The following DAO variants were observed in gnomAD, a reference collection of about 807,000 sequenced individuals.
The protein encoded by DAO is D-amino acid oxidase.
In DAO, 51 loss-of-function variants were observed where a neutral mutation model predicts 50.1. The observed-to-expected ratio is 1.02, with a 90% CI of 0.81 to 1.29. DAO has a LOEUF of 1.29. Among genes scored for constraint, DAO ranks in the 50% most tolerant of loss-of-function variants. The pLI is 0.00. For synonymous variants in DAO, 160 were observed against 166.2 expected, an observed-to-expected ratio of 0.96 and a Z score of 0.29; for missense variants, 436 against 439.4, an observed-to-expected ratio of 0.99 and a Z score of 0.07.
chr12:108,888,961 C>G (rs1299037655), intron 3 of DAO, among the ~76,000 whole-genome samples: 1 of 152,204 alleles, frequency 6.6e-6, no homozygotes, highest in Non-Finnish European at 1.5e-5. Context: ...TTTAATCTTT[C>G]TAAGCCTCAA....
Position 108,884,861 on chromosome 12 carries a change from G to T in DAO, c.-9-137G>T, listed in dbSNP as rs1352819041. 21 of 798,124 alleles carry T rather than the reference G, an allele frequency of 2.6e-5. No individual in the cohort carries two copies. In the Admixed American group the frequency reaches 3.2e-4, roughly 12 times the overall value. The allele number at this position is 798,124 out of a possible 1,614,324, so 49.4% of individuals were successfully genotyped here. On this transcript the variant is annotated intron_variant, in intron 1 of 10. Transcript: ENST00000228476. ...ACAATGATATTCCTTCCTCCTAGGGGTCATCGGGAAGGTCAAATATAAAAA... is the reference window on the plus strand; with the variant it reads ...ACAATGATATTCCTTCCTCCTAGGGTTCATCGGGAAGGTCAAATATAAAAA...
intron 5 of DAO, among the ~76,000 whole-genome samples, chr12:108,892,130 G>T (rs77802322): frequency 0.014 from 2,159 of 150,094 alleles, 52 homozygotes; most frequent in African/African-American, 0.047. Flanking sequence ...CTGTTCTTTG[G>T]ATGTTTCTAG....
At chr12:108,893,328 C>T (rs2039512189) in intron 6 of DAO, among the ~76,000 whole-genome samples, 1 of 152,154 alleles carries the variant, frequency 6.6e-6, no homozygotes, top group African/African-American at 2.4e-5. Context: ...GTGTCAGCTG[C>T]ACTCCAAGGT....
At chr12:108,889,104 T>C (rs1252271981) in intron 3 of DAO, among the ~76,000 whole-genome samples, 3 of 130,584 alleles carry the variant, frequency 2.3e-5, no homozygotes, top group African/African-American at 3.5e-5. Context: ...GTCTCTGTCA[T>C]TATCATTTTT....
chr12:108,898,386 G>A (rs571772734), intron 8 of DAO: 8 of 415,506 alleles, frequency 1.9e-5, no homozygotes, highest in African/African-American at 4.1e-5. Flanking sequence ...TACTGGTGTC[G>A]TGGAGATGAC....
intron 3 of DAO, among the ~76,000 whole-genome samples, chr12:108,889,261 A>G (rs1272354485): frequency 6.6e-6 from 1 of 151,930 alleles, no homozygotes; most frequent in Non-Finnish European, 1.5e-5. Flanking sequence ...ATGCACCACC[A>G]TATCTTGCTA....
At chr12:108,899,071 G>A (rs1259912509) in intron 9 of DAO, among the ~76,000 whole-genome samples, 1 of 152,154 alleles carries the variant, frequency 6.6e-6, no homozygotes, top group Non-Finnish European at 1.5e-5. Flanking sequence ...TGGTACTGAT[G>A]GTGAGGAAAA....
intron 6 of DAO, 50 bp from the exon 7 acceptor site, chr12:108,894,213 C>T (rs747297378): frequency 4.3e-6 from 6 of 1,396,242 alleles, no homozygotes; most frequent in Non-Finnish European, 6.1e-6. Flanking sequence ...CAGGGAATAC[C>T]AGGGTCTTCC....
chr12:108,887,951 A>G (rs1302858950), intron 3 of DAO, among the ~76,000 whole-genome samples: 1 of 152,326 alleles, frequency 6.6e-6, no homozygotes, highest in East Asian at 1.9e-4. Context: ...AAAACTGCCA[A>G]AGCATTTATT....
Position 108,880,146 on chromosome 12 carries a change from A to T in DAO, c.-88A>T, listed in dbSNP as rs1211970527. The T allele has an allele frequency of 2.2e-6, 1 of 456,692 alleles. No individual in the cohort carries two copies. The highest frequency in any genetic ancestry group is 1.5e-5 in the South Asian group (1 of 64,556). The allele number at this position is 456,692 out of a possible 1,614,324, so 28.3% of individuals were successfully genotyped here. On this transcript the variant is annotated 5_prime_UTR_variant, in exon 1 of 11. Coordinates refer to ENST00000228476, the MANE Select transcript of DAO (RefSeq NM_001917.5). ...GCTGGAAACAAGACGCTCCAGAATC[A>T]GGAGCTTCCCCTCAGGAAATAGCAT... is the stretch of plus-strand genomic sequence containing the variant.
intron 6 of DAO, among the ~76,000 whole-genome samples, chr12:108,893,545 C>A (rs767716220): frequency 2.0e-5 from 3 of 152,188 alleles, no homozygotes; most frequent in Non-Finnish European, 4.4e-5. Flanking sequence ...ACAAGGAAGG[C>A]GCTCCGTACA....
intron 3 of DAO, among the ~76,000 whole-genome samples, chr12:108,888,750 T>G (rs749399615): frequency 6.6e-6 from 1 of 152,208 alleles, no homozygotes; most frequent in Non-Finnish European, 1.5e-5. Context: ...CACTATGCTC[T>G]GTTGCTTTCT....
rs1035782021 is a variant in DAO, at chr12:108,883,943, C to A, written c.-9-1055C>A. Reference sequence around the variant, plus strand: ...CCGAGTTGCCAGGAGCTGAGGTCTGCGGGAGGAGAGTTGTGAGTGAAGATG... The same window carrying A: ...CCGAGTTGCCAGGAGCTGAGGTCTGAGGGAGGAGAGTTGTGAGTGAAGATG... On this transcript the variant is annotated intron_variant, in intron 1 of 10. Transcript: ENST00000228476. 2.0e-5 allele frequency among the ~76,000 whole-genome samples: 3 copies of A among 152,224 alleles called. No individual in the cohort carries two copies. In the East Asian group the frequency reaches 5.8e-4, roughly 29 times the overall value.
intron 1 of DAO, among the ~76,000 whole-genome samples, chr12:108,882,977 C>T (rs1001467203): frequency 2.0e-5 from 3 of 152,050 alleles, no homozygotes; most frequent in African/African-American, 7.2e-5. Context: ...TGTGCCACTG[C>T]ACTCCAGCCT....
rs2039587679 is a variant in DAO, at chr12:108,898,620, T to TTTA, written c.696-56_696-54dup. 1.1e-5 allele frequency: 13 copies of TTTA among 1,156,014 alleles called. No homozygotes were observed. The South Asian group carries it at 1.6e-4, about 14-fold the overall frequency. 71.6% of individuals were successfully genotyped at this position (1,156,014 alleles called of 1,614,324 possible). A position where few individuals can be genotyped will look rare whatever the true frequency, so the allele number is the denominator to read the frequency against. On this transcript the variant is annotated intron_variant, in intron 8 of 10. Coordinates refer to ENST00000228476, the MANE Select transcript of DAO (RefSeq NM_001917.5). ...GGTGACAAGGTTGATGGTAATGACC[T>TTTA]TTATTCATCTCAGAGCCTTCATTTT... is the stretch of plus-strand genomic sequence containing the variant.
intron 8 of DAO, among the ~76,000 whole-genome samples, chr12:108,897,839 C>T (rs1253698944): frequency 1.3e-5 from 2 of 151,534 alleles, no homozygotes; most frequent in South Asian, 2.1e-4. Flanking sequence ...CCCAGCTATT[C>T]GAGAGGCTGA....
intron 2 of DAO, 32 bp downstream of exon 2, chr12:108,885,232 T>C: frequency 6.2e-7 from 1 of 1,602,726 alleles, no homozygotes; most frequent in Non-Finnish European, 8.5e-7. Flanking sequence ...TAGCCTGGGG[T>C]GCCCATGGAC....
intron 10 of DAO, chr12:108,899,885 G>A: frequency 3.1e-6 from 1 of 321,006 alleles, no homozygotes; most frequent in South Asian, 3.0e-5. Flanking sequence ...AGAGATGACA[G>A]TATCAATGGC....
intron 8 of DAO, 113 bp from the exon 9 acceptor site, chr12:108,898,566 G>A: frequency 1.3e-6 from 1 of 790,660 alleles, no homozygotes; most frequent in South Asian, 1.4e-5. Flanking sequence ...AGTGGCAATT[G>A]AGGTAGTGAT....
Sources: allele counts gnomAD v4.1 joint callset (sites outside exome capture counted in the v4.1 genomes callset), GRCh38; gene constraint gnomAD v4.1.1; transcripts MANE v1.5; gene names NCBI Gene and HGNC (gene_info 2026-07-23, HGNC 2026-07-21).